DLGAP2: variants seen among roughly 807,000 people sequenced by gnomAD.
The protein encoded by DLGAP2 is DLG associated protein 2, also known as disks large-associated protein 2.
Under a neutral mutation model 100.3 loss-of-function variants are expected in DLGAP2, and 26 were observed. The observed-to-expected ratio is 0.26, with a 90% CI of 0.19 to 0.36. The LOEUF is 0.36. Ranked by LOEUF, DLGAP2 falls within the 10% of genes least tolerant of loss-of-function variation. The pLI, the probability that DLGAP2 is intolerant of heterozygous loss-of-function variation, is 1.00. For missense variants in DLGAP2, 1,858 were observed against 1,453.2 expected, an observed-to-expected ratio of 1.28 and a Z score of -4.53; for synonymous variants, 886 against 630.1, an observed-to-expected ratio of 1.41 and a Z score of -6.08.
chr8:1,381,046 C>T lies in DLGAP2; in HGVS notation c.107-120320C>T, dbSNP rs143744761. On this transcript the variant is annotated intron_variant, in intron 3 of 14. Transcript: ENST00000637795. The stretch of plus-strand genomic sequence containing the variant: ...TTTTACTTAAATAATATAAGGAGTT[C>T]CTTTCTAAATCAAAATTAGACTTAA... The T allele has an allele frequency of 1.1e-3, 164 of 150,858 alleles. 1 individual carries two copies. Among genetic ancestry groups the T allele is most frequent in the African/African-American group, 3.7e-3 (152 of 41,114 alleles). The allele number at this position is 150,858 out of a possible 1,614,324, so 9.3% of individuals were successfully genotyped here.
chr8:1,365,673 A>G lies in DLGAP2; in HGVS notation c.106+106790A>G, dbSNP rs1222405374. On this transcript the variant is annotated intron_variant, in intron 3 of 14. Coordinates refer to ENST00000637795, the MANE Select transcript of DLGAP2 (RefSeq NM_001346810.2). Reference sequence around the variant, plus strand: ...AGCATCCAAGTGTGCCGAGCCAAGCAAAATCAATCTCGGGTCCCAGTAGAT... The same window carrying G: ...AGCATCCAAGTGTGCCGAGCCAAGCGAAATCAATCTCGGGTCCCAGTAGAT... Among the ~76,000 whole-genome samples, 4 of 152,322 alleles carry G rather than the reference A, an allele frequency of 2.6e-5. No homozygotes were observed. In the South Asian group the frequency reaches 8.3e-4, roughly 32 times the overall value.
At chr8:1,600,552 T>C (rs1402579429) in intron 6 of DLGAP2, among the ~76,000 whole-genome samples, 3 of 152,232 alleles carry the variant, frequency 2.0e-5, no homozygotes, top group Admixed American at 1.3e-4. Context: ...CCCATATTTC[T>C]TGGAGGCTTT....
chr8:1,677,060 A>G (rs139629162), intron 11 of DLGAP2, among the ~76,000 whole-genome samples: 254 of 152,366 alleles, frequency 1.7e-3, no homozygotes, highest in African/African-American at 5.7e-3. Flanking sequence ...ACAAAGTGAT[A>G]TCCATTAGTG....
intron 2 of DLGAP2, among the ~76,000 whole-genome samples, chr8:1,164,142 G>GGACA (rs57057007): frequency 0.11 from 3,197 of 28,376 alleles, 802 homozygotes; most frequent in Admixed American, 0.2. Context: ...TGGTTTGTGG[G>GGACA]GATTTTTCTG....
intron 2 of DLGAP2, among the ~76,000 whole-genome samples, chr8:964,869 G>A (rs1368708027): frequency 6.6e-6 from 1 of 152,156 alleles, no homozygotes; most frequent in Non-Finnish European, 1.5e-5. Flanking sequence ...GGCTCCGCCT[G>A]TGGCCATGCT....
At chr8:1,175,888 C>T (rs1042806040) in intron 2 of DLGAP2, among the ~76,000 whole-genome samples, 1 of 152,222 alleles carries the variant, frequency 6.6e-6, no homozygotes, top group African/African-American at 2.4e-5. Flanking sequence ...TTATTATCCA[C>T]ATAGCCATGG....
chr8:738,627 G>C (rs958319540), intron 1 of DLGAP2: 1 of 152,442 alleles, frequency 6.6e-6, no homozygotes, highest in Non-Finnish European at 1.5e-5. Flanking sequence ...CCTGCGCGGA[G>C]GGCTGGGGGG....
chr8:1,325,423 GC>G (rs1800998812), intron 3 of DLGAP2, among the ~76,000 whole-genome samples: 1 of 152,224 alleles, frequency 6.6e-6, no homozygotes, highest in African/African-American at 2.4e-5. Context: ...CGACCCTGCA[GC>G]CCGGCTGCTG....
At chr8:1,056,866 G>A (rs535759723) in intron 2 of DLGAP2, among the ~76,000 whole-genome samples, 12 of 152,206 alleles carry the variant, frequency 7.9e-5, no homozygotes, top group Admixed American at 7.9e-4. Flanking sequence ...TACCTGGTAG[G>A]TAACTTAGTA....
At chr8:838,279 G>A (rs1040344785) in intron 1 of DLGAP2, among the ~76,000 whole-genome samples, 5 of 152,008 alleles carry the variant, frequency 3.3e-5, no homozygotes, top group African/African-American at 1.2e-4. Flanking sequence ...TCAGCATAAC[G>A]ACTTCATTGT....
At chr8:1,001,205 G>T (rs1275536247) in intron 2 of DLGAP2, among the ~76,000 whole-genome samples, 1 of 152,134 alleles carries the variant, frequency 6.6e-6, no homozygotes, top group Non-Finnish European at 1.5e-5. Context: ...GGAGAGCTTT[G>T]ACTATTTTTC....
At chr8:1,438,870 A>T (rs1797737253) in intron 3 of DLGAP2, among the ~76,000 whole-genome samples, 1 of 152,256 alleles carries the variant, frequency 6.6e-6, no homozygotes, top group Non-Finnish European at 1.5e-5. Flanking sequence ...TGTAATACCA[A>T]TATCGTAATA....
intron 4 of DLGAP2, among the ~76,000 whole-genome samples, chr8:1,506,244 C>G (rs903774540): frequency 1.3e-5 from 2 of 152,142 alleles, no homozygotes; most frequent in African/African-American, 2.4e-5. Flanking sequence ...TTTCAAAAAA[C>G]AAAAACCCAG....
chr8:1,048,169 G>C (rs938849169), intron 2 of DLGAP2, among the ~76,000 whole-genome samples: 3 of 152,162 alleles, frequency 2.0e-5, no homozygotes, highest in African/African-American at 7.2e-5. Flanking sequence ...GAACTGGATA[G>C]AACTGGCCTG....
chr8:769,521 T>TA (rs1268703268), intron 1 of DLGAP2, among the ~76,000 whole-genome samples: 2 of 152,142 alleles, frequency 1.3e-5, no homozygotes, highest in Non-Finnish European at 2.9e-5. Context: ...TGCTCCTTTT[T>TA]AAAAAATCAT....
intron 1 of DLGAP2, among the ~76,000 whole-genome samples, chr8:847,855 C>T (rs1463681874): frequency 6.6e-6 from 1 of 152,120 alleles, no homozygotes; most frequent in African/African-American, 2.4e-5. Flanking sequence ...ATTTCTGCTC[C>T]TGTCTTTATT....
At chr8:1,474,345 G>A (rs1327498222) in intron 3 of DLGAP2, among the ~76,000 whole-genome samples, 2 of 152,160 alleles carry the variant, frequency 1.3e-5, no homozygotes, top group Non-Finnish European at 1.5e-5. Context: ...ATAAACACGT[G>A]TGTGCAAGTG....
chr8:1,671,681 C>G (rs1179373287), intron 10 of DLGAP2, among the ~76,000 whole-genome samples: 6 of 152,252 alleles, frequency 3.9e-5, no homozygotes, highest in African/African-American at 1.4e-4. Context: ...TCAGCTCACA[C>G]CTCCTATGGC....
chr8:1,578,274 C>T (rs1338937811), intron 6 of DLGAP2, among the ~76,000 whole-genome samples: 2 of 152,134 alleles, frequency 1.3e-5, no homozygotes, highest in Non-Finnish European at 2.9e-5. Context: ...TTCACCTGAA[C>T]AATAGTTAAG....
Sources: allele counts gnomAD v4.1 joint callset (sites outside exome capture counted in the v4.1 genomes callset), GRCh38; gene constraint gnomAD v4.1.1; transcripts MANE v1.5; gene names NCBI Gene and HGNC (gene_info 2026-07-23, HGNC 2026-07-21).